ARHGEF10: variants seen among roughly 807,000 people sequenced by gnomAD.
ARHGEF10 encodes Rho guanine nucleotide exchange factor 10.
A neutral mutation model predicts 147.4 loss-of-function variants in ARHGEF10; 140 were observed. The observed-to-expected ratio is 0.95, with a 90% CI of 0.83 to 1.09. The LOEUF is 1.09. ARHGEF10 is among the 50% of genes least tolerant of loss of function. The pLI, the probability that ARHGEF10 is intolerant of heterozygous loss-of-function variation, is 0.00. For synonymous variants in ARHGEF10, 902 were observed against 695.8 expected, an observed-to-expected ratio of 1.30 and a Z score of -4.67; for missense variants, 2,222 against 1,752.7, an observed-to-expected ratio of 1.27 and a Z score of -4.78.
chr8:1,823,658 C>A (rs908873856), upstream of ARHGEF10, among the ~76,000 whole-genome samples: 10 of 151,212 alleles, frequency 6.6e-5, no homozygotes, highest in African/African-American at 1.9e-4. Flanking sequence ...CGACCCCTCC[C>A]GAAGTGAGCG....
At chr8:1,906,482 TTAA>T in intron 17 of ARHGEF10, among the ~76,000 whole-genome samples, 1 of 152,298 alleles carries the variant, frequency 6.6e-6, no homozygotes, top group Non-Finnish European at 1.5e-5. Flanking sequence ...GAGCCAGCTG[TTAA>T]ACGTTTGCCA....
At chr8:1,855,466 C>G (rs1388900941) in intron 2 of ARHGEF10, among the ~76,000 whole-genome samples, 1 of 152,130 alleles carries the variant, frequency 6.6e-6, no homozygotes, top group African/African-American at 2.4e-5. Flanking sequence ...ACTGCAACTT[C>G]CGCTTACTGG....
In ARHGEF10 at chr8:1,882,714, G is replaced by A. The variant is rs149632587; in HGVS notation, c.1040G>A (p.Arg347His). 49 of 1,555,262 alleles carry A rather than the reference G, an allele frequency of 3.2e-5. No homozygotes were observed. Among genetic ancestry groups the A allele is most frequent in the East Asian group, 4.8e-5 (2 of 41,512 alleles). The stretch of plus-strand genomic sequence containing the variant: ...ACCAGGGCAGCCGTGAAGAGGGGCC[G>A]CTCCTTCATCAGGACCAAGTCTCTC... ...ERTRAAVKRGRSFIRTKSLIA... is the reference protein window; with the variant it reads ...ERTRAAVKRGHSFIRTKSLIA... The change falls in exon 10 of 29, where the codon CGC becomes CAC. Residue 347 changes from arginine (R) to histidine (H), a missense_variant. Transcript: ENST00000349830.
intron 1 of ARHGEF10, among the ~76,000 whole-genome samples, chr8:1,832,857 CAG>C (rs374164615): frequency 0.076 from 7,404 of 97,582 alleles, 1,016 homozygotes; most frequent in African/African-American, 0.15. Flanking sequence ...CAGAGAGAGA[CAG>C]AGGCAGAGGC....
chr8:1,945,892 G>GGAGCCGCGTGCTGGGAT (rs1814544844), intron 27 of ARHGEF10: 1 of 713,592 alleles, frequency 1.4e-6, no homozygotes, highest in Admixed American at 2.4e-5. Flanking sequence ...CGTGCTGGGA[G>GGAGCCGCGTGCTGGGAT]GAGCCGCGTG....
intron 1 of ARHGEF10, among the ~76,000 whole-genome samples, chr8:1,839,676 AACT>A (rs1563157808): frequency 4.2e-3 from 155 of 36,520 alleles, no homozygotes; most frequent in African/African-American, 8.0e-3. Flanking sequence ...CTGGTGTGGA[AACT>A]GGTGTGGGGA....
rs1360736932 is a variant in ARHGEF10, at chr8:1,876,476, C to T, written c.680-95C>T. The T allele has an allele frequency of 4.7e-6, 6 of 1,287,542 alleles. No individual in the cohort carries two copies. In the African/African-American group the frequency reaches 8.8e-5, roughly 19 times the overall value. 79.8% of individuals were successfully genotyped at this position (1,287,542 alleles called of 1,614,324 possible). A position where few individuals can be genotyped will look rare whatever the true frequency, so the allele number is the denominator to read the frequency against. On this transcript the variant is annotated intron_variant, in intron 7 of 28. Coordinates refer to ENST00000349830, the MANE Select transcript of ARHGEF10 (RefSeq NM_014629.4). ...CATGATTCAGATTTCCTTCCACCCCCAGCTCTAGATGATTTGGTAAAACCA... is the reference window on the plus strand; with the variant it reads ...CATGATTCAGATTTCCTTCCACCCCTAGCTCTAGATGATTTGGTAAAACCA...
intron 23 of ARHGEF10, 62 bp downstream of exon 23, chr8:1,926,525 T>A: frequency 6.8e-7 from 1 of 1,481,334 alleles, no homozygotes; most frequent in East Asian, 2.3e-5. Context: ...ATGGTCGGTG[T>A]GATGAGAGAC....
chr8:1,824,287 A>G (rs978651640), intron 1 of ARHGEF10, among the ~76,000 whole-genome samples, 174 bp downstream of exon 1: 16 of 150,732 alleles, frequency 1.1e-4, no homozygotes, highest in African/African-American at 3.9e-4. Context: ...CCCCCCGAGC[A>G]GCTCCCCCTT....
At chr8:1,857,422 C>CTT (rs60823878) in intron 2 of ARHGEF10, among the ~76,000 whole-genome samples, 15 of 137,362 alleles carry the variant, frequency 1.1e-4, no homozygotes, top group Middle Eastern at 3.8e-3. Flanking sequence ...GTTTTCTTTT[C>CTT]TTTTTTTTTT....
intron 4 of ARHGEF10, among the ~76,000 whole-genome samples, chr8:1,862,286 C>G (rs567672651): frequency 6.6e-6 from 1 of 152,366 alleles, no homozygotes; most frequent in Admixed American, 6.5e-5. Context: ...CAGCCAGGAT[C>G]CCCAGGCCTG....
Position 1,909,423 on chromosome 8 carries a change from C to T in ARHGEF10, c.2096C>T (p.Ala699Val). Reference protein sequence around the residue: ...AGTGEHSRHLAVHPPESLAVV... With the variant: ...AGTGEHSRHLVVHPPESLAVV... ...ACGGGCGAGCACAGCAGGCACCTTG[C>T]CGTTCACCCGCCGGAGAGCCTGGCC... is the stretch of plus-strand genomic sequence containing the variant. Residue 699 changes from alanine to valine, a missense_variant, in exon 18 of 29, where the codon GCC becomes GTC. By Grantham distance (64) the Ala-to-Val change is moderately conservative (BLOSUM62 0). Transcript: ENST00000349830. The T allele has an allele frequency of 2.5e-6, 4 of 1,614,106 alleles. No homozygotes were observed. The highest frequency in any genetic ancestry group is 3.4e-6 in the Non-Finnish European group (4 of 1,180,034).
intron 26 of ARHGEF10, among the ~76,000 whole-genome samples, chr8:1,942,247 C>T (rs1390116906): frequency 6.7e-6 from 1 of 149,094 alleles, no homozygotes; most frequent in Non-Finnish European, 1.5e-5. Context: ...GAGCATCTAA[C>T]TCACTCTTAG....
At chr8:1,833,826 G>A (rs1803417999) in intron 1 of ARHGEF10, among the ~76,000 whole-genome samples, 1 of 152,222 alleles carries the variant, frequency 6.6e-6, no homozygotes, top group African/African-American at 2.4e-5. Flanking sequence ...CTGCTTCCCT[G>A]GGAGGGAGTC....
intron 17 of ARHGEF10, among the ~76,000 whole-genome samples, chr8:1,907,480 T>C (rs1295136441): frequency 6.6e-6 from 1 of 152,184 alleles, no homozygotes; most frequent in Non-Finnish European, 1.5e-5. Flanking sequence ...ATGGTCCTTG[T>C]TGAGTCTTTT....
At chr8:1,933,410 T>C (rs185768225) in intron 25 of ARHGEF10, among the ~76,000 whole-genome samples, 60 of 152,310 alleles carry the variant, frequency 3.9e-4, no homozygotes, top group African/African-American at 1.3e-3. Context: ...TGTGCTGAGC[T>C]TTGTACATGC....
At chr8:1,915,298 T>C (rs1010703304) in intron 18 of ARHGEF10, among the ~76,000 whole-genome samples, 1 of 152,164 alleles carries the variant, frequency 6.6e-6, no homozygotes, top group Non-Finnish European at 1.5e-5. Flanking sequence ...CTGAAGTGAA[T>C]GGAGCAAAAC....
At position 1,922,790 on chromosome 8, in the gene ARHGEF10, G is replaced by A. The variant is rs4242549; in HGVS notation, c.2144-174G>A. On this transcript the variant is annotated intron_variant, in intron 18 of 28. Transcript: ENST00000349830. ...TCCATCTAAAATTATTTCCAAATAA[G>A]TGTTAGAAAAGGAAAAACCACTAAA... 0.6 allele frequency among the ~76,000 whole-genome samples: 90,756 copies of A among 152,064 alleles called. 27,524 individuals are homozygous for A. Among genetic ancestry groups the A allele is most frequent in the East Asian group, 0.9 (4,634 of 5,168 alleles).
At chr8:1,840,916 A>G (rs1430933037) in intron 1 of ARHGEF10, among the ~76,000 whole-genome samples, 1 of 152,088 alleles carries the variant, frequency 6.6e-6, no homozygotes, top group Non-Finnish European at 1.5e-5. Flanking sequence ...GCTGGCCGGC[A>G]CTCGGACCCT....
Sources: allele counts gnomAD v4.1 joint callset (sites outside exome capture counted in the v4.1 genomes callset), GRCh38; gene constraint gnomAD v4.1.1; transcripts MANE v1.5; gene names NCBI Gene and HGNC (gene_info 2026-07-23, HGNC 2026-07-21).